The following DDC variants were observed in gnomAD, a reference collection of about 807,000 sequenced individuals.
The protein encoded by DDC is aromatic-L-amino-acid decarboxylase.
In DDC, 43 loss-of-function variants were observed where a neutral mutation model predicts 60.0. The ratio of observed to expected loss-of-function variants is 0.72; its 90% CI spans 0.56 to 0.92. The LOEUF (loss-of-function observed/expected upper bound fraction) is 0.92. Among genes scored for constraint, DDC ranks in the 40% least tolerant of loss-of-function variants. The pLI is 0.00. For synonymous variants in DDC, 232 were observed against 234.6 expected, an observed-to-expected ratio of 0.99 and a Z score of 0.10; for missense variants, 573 against 620.2, an observed-to-expected ratio of 0.92 and a Z score of 0.81.
At chr7:50,502,351 C>G (rs544842260) in intron 7 of DDC, among the ~76,000 whole-genome samples, 1 of 152,170 alleles carries the variant, frequency 6.6e-6, no homozygotes, top group East Asian at 1.9e-4. Flanking sequence ...CATGGTCCAG[C>G]GGGCAGCCCA....
At chr7:50,506,195 C>T (rs1006810220) in intron 6 of DDC, among the ~76,000 whole-genome samples, 2 of 152,134 alleles carry the variant, frequency 1.3e-5, no homozygotes, top group African/African-American at 4.8e-5. Flanking sequence ...TGGTACCTAG[C>T]CCTTGAGTGG....
At chr7:50,525,935 A>G (rs909904950) in intron 6 of DDC, among the ~76,000 whole-genome samples, 1 of 151,728 alleles carries the variant, frequency 6.6e-6, no homozygotes, top group Non-Finnish European at 1.5e-5. Context: ...AAAGGGCATA[A>G]GAGATATATG....
chr7:50,479,558 C>A lies in DDC; in HGVS notation c.1021+229G>T, dbSNP rs11575460. 1.8e-3 allele frequency among the ~76,000 whole-genome samples: 270 copies of A among 152,274 alleles called. 1 individual carries two copies. The highest frequency in any genetic ancestry group is 5.8e-3 in the African/African-American group (239 of 41,546). ...GCTCCTGCAATGAGCCCAGCAGGTT[C>A]TCAGTGCTTCTAGAGCAGGAGCCTC... On this transcript the variant is annotated intron_variant, in intron 10 of 14. Transcript: ENST00000444124.
At chr7:50,556,758 C>T (rs1450078234) in intron 1 of DDC, among the ~76,000 whole-genome samples, 6 of 152,160 alleles carry the variant, frequency 3.9e-5, no homozygotes, top group Non-Finnish European at 2.9e-5. Context: ...GCCTCCTTGG[C>T]GAGATTGGTC....
intron 12 of DDC, among the ~76,000 whole-genome samples, chr7:50,469,512 C>A (rs11575500): frequency 0.054 from 8,148 of 152,208 alleles, 320 homozygotes; most frequent in Non-Finnish European, 0.08. Context: ...CAATGAACTT[C>A]ATTCTTGGCT....
At chr7:50,501,265 C>T (rs1208981282) in intron 7 of DDC, among the ~76,000 whole-genome samples, 2 of 152,238 alleles carry the variant, frequency 1.3e-5, no homozygotes, top group African/African-American at 2.4e-5. Context: ...CAGGATGCAG[C>T]TTTGGCTGCC....
At chr7:50,462,274 T>C (rs1052752713) in intron 14 of DDC, among the ~76,000 whole-genome samples, 5 of 124,426 alleles carry the variant, frequency 4.0e-5, no homozygotes, top group South Asian at 2.8e-4. Flanking sequence ...AAGGTAGACA[T>C]ACCCCAACAG....
chr7:50,530,196 A>G (rs550615728), intron 4 of DDC, among the ~76,000 whole-genome samples: 1 of 152,266 alleles, frequency 6.6e-6, no homozygotes, highest in African/African-American at 2.4e-5. Flanking sequence ...CGGAGGTTGC[A>G]GTGAGCCGCA....
At chr7:50,529,829 G>A (rs750925196) in intron 4 of DDC, among the ~76,000 whole-genome samples, 3 of 152,084 alleles carry the variant, frequency 2.0e-5, no homozygotes, top group East Asian at 1.9e-4. Flanking sequence ...CTAATGACAC[G>A]GGCTGAATTG....
intron 1 of DDC, among the ~76,000 whole-genome samples, chr7:50,550,887 G>A (rs1210961637): frequency 3.9e-5 from 6 of 152,196 alleles, no homozygotes; most frequent in East Asian, 1.9e-4. Flanking sequence ...AGGTATGCCC[G>A]TAATACCTTG....
chr7:50,482,572 A>AT (rs1294105269), intron 9 of DDC, among the ~76,000 whole-genome samples: 2 of 151,812 alleles, frequency 1.3e-5, no homozygotes, highest in Non-Finnish European at 2.9e-5. Context: ...TCCTCACTAT[A>AT]TTTTTTTTCA....
chr7:50,459,215 T>C (rs916301000), intron 14 of DDC, among the ~76,000 whole-genome samples: 9 of 152,340 alleles, frequency 5.9e-5, no homozygotes, highest in African/African-American at 2.2e-4. Context: ...AGCCTCGGCC[T>C]CCCGAGGTGC....
At chr7:50,459,193 G>T (rs149494373) in intron 14 of DDC, among the ~76,000 whole-genome samples, 169 of 152,330 alleles carry the variant, frequency 1.1e-3, no homozygotes, top group Non-Finnish European at 1.7e-3. Context: ...TCCAAACTGC[G>T]AGTGATCCGC....
At chr7:50,528,831 C>T (rs2044114783) in intron 5 of DDC, among the ~76,000 whole-genome samples, 1 of 152,128 alleles carries the variant, frequency 6.6e-6, no homozygotes, top group African/African-American at 2.4e-5. Flanking sequence ...CCACTGTCTC[C>T]TGCTTGACGC....
chr7:50,540,097 G>A, intron 2 of DDC, 69 bp from the exon 3 acceptor site: 1 of 1,268,688 alleles, frequency 7.9e-7, no homozygotes, highest in Non-Finnish European at 1.1e-6. Flanking sequence ...GGGGGACCCA[G>A]GTACCCCCAT....
At chr7:50,547,026 T>G (rs144360583) in intron 1 of DDC, among the ~76,000 whole-genome samples, 53 of 152,258 alleles carry the variant, frequency 3.5e-4, no homozygotes, top group African/African-American at 1.2e-3. Flanking sequence ...TTGAAGTGAC[T>G]GTTTTTTTTT....
chr7:50,496,011 G>C (rs2043119312), intron 8 of DDC, among the ~76,000 whole-genome samples: 1 of 151,940 alleles, frequency 6.6e-6, no homozygotes, highest in Admixed American at 6.6e-5. Flanking sequence ...GGTAAACCCA[G>C]TTTTCATTTA....
At chr7:50,482,973 A>C (rs941029753) in intron 9 of DDC, among the ~76,000 whole-genome samples, 3 of 151,858 alleles carry the variant, frequency 2.0e-5, no homozygotes, top group African/African-American at 7.2e-5. Flanking sequence ...TATGTCTTCC[A>C]TACTGATCCT....
intron 7 of DDC, among the ~76,000 whole-genome samples, chr7:50,501,077 C>G (rs1001493472): frequency 6.6e-6 from 1 of 152,198 alleles, no homozygotes; most frequent in Non-Finnish European, 1.5e-5. Context: ...AAGTTGCATG[C>G]ACCAGGGGCA....
Sources: gnomAD v4.1 joint callset for allele counts (sites outside exome capture counted in the v4.1 genomes callset) on GRCh38, gnomAD v4.1.1 for gene constraint, MANE v1.5 for transcripts, NCBI Gene and HGNC (gene_info 2026-07-23, HGNC 2026-07-21) for gene names.